NRG1: variants seen among roughly 807,000 people sequenced by gnomAD.
The protein encoded by NRG1 is neuregulin 1.
NRG1 carries 18 observed loss-of-function variants against 63.8 expected under a neutral mutation model. The observed-to-expected ratio is 0.28, with a 90% CI of 0.19 to 0.42. The LOEUF is 0.42. NRG1 is among the 10% of genes least tolerant of loss of function. The probability of loss-of-function intolerance (pLI) is 1.00; values close to 1 mark genes in which losing one functional copy is unlikely to be tolerated. For missense variants in NRG1, 762 were observed against 814.7 expected, an observed-to-expected ratio of 0.94 and a Z score of 0.79; for synonymous variants, 302 against 301.3, an observed-to-expected ratio of 1.00 and a Z score of -0.02.
chr8:31,856,774 T>G (rs1463395937), intron 1 of NRG1, among the ~76,000 whole-genome samples: 1 of 152,134 alleles, frequency 6.6e-6, no homozygotes, highest in Non-Finnish European at 1.5e-5. Flanking sequence ...ATGATGGTGA[T>G]GTACAGATGG....
At chr8:31,839,882 A>G (rs758393015) in intron 1 of NRG1, among the ~76,000 whole-genome samples, 4 of 152,110 alleles carry the variant, frequency 2.6e-5, no homozygotes, top group Non-Finnish European at 4.4e-5. Context: ...TCGCAGGGAC[A>G]GGATTGTGGC....
intron 1 of NRG1, among the ~76,000 whole-genome samples, chr8:31,935,108 G>A (rs970135220): frequency 4.0e-5 from 6 of 149,934 alleles, no homozygotes; most frequent in East Asian, 2.0e-4. Context: ...GTGCCACCAC[G>A]CCCAGCTAAG....
At chr8:31,671,999 A>C (rs924428057) in intron 1 of NRG1, among the ~76,000 whole-genome samples, 8 of 152,196 alleles carry the variant, frequency 5.3e-5, no homozygotes, top group African/African-American at 1.9e-4. Flanking sequence ...GTTGCATACA[A>C]AATGTATTGA....
At chr8:32,182,584 G>A (rs759023816) in intron 1 of NRG1, among the ~76,000 whole-genome samples, 1 of 152,122 alleles carries the variant, frequency 6.6e-6, no homozygotes, top group South Asian at 2.1e-4. Context: ...AAGGAAGTCT[G>A]GTGTGGTCGA....
chr8:32,359,280 A>G (rs1286504240), intron 1 of NRG1, among the ~76,000 whole-genome samples: 1 of 152,202 alleles, frequency 6.6e-6, no homozygotes, highest in Non-Finnish European at 1.5e-5. Context: ...ACCCTTTTAA[A>G]CTGATTAAAG....
intron 1 of NRG1, among the ~76,000 whole-genome samples, chr8:32,204,055 A>G (rs562487025): frequency 3.5e-4 from 54 of 152,350 alleles, no homozygotes; most frequent in African/African-American, 1.3e-3. Context: ...AGATATCTAC[A>G]CCTACATAGA....
intron 1 of NRG1, among the ~76,000 whole-genome samples, chr8:32,269,250 ACT>A (rs1387260558): frequency 1.3e-5 from 2 of 152,114 alleles, no homozygotes; most frequent in African/African-American, 4.8e-5. Flanking sequence ...ATCTAATAAG[ACT>A]CTATTTGGAA....
intron 1 of NRG1, among the ~76,000 whole-genome samples, chr8:32,141,934 T>A (rs1836327544): frequency 6.6e-6 from 1 of 152,118 alleles, no homozygotes; most frequent in Non-Finnish European, 1.5e-5. Flanking sequence ...AAGTTCCCAC[T>A]GCAGGAGTTT....
At chr8:31,867,361 C>T (rs558060390) in intron 1 of NRG1, among the ~76,000 whole-genome samples, 1 of 152,234 alleles carries the variant, frequency 6.6e-6, no homozygotes, top group African/African-American at 2.4e-5. Flanking sequence ...AGGGTTTTGC[C>T]TAACAAGTAA....
chr8:32,621,763 T>C (rs1848379095), intron 5 of NRG1, among the ~76,000 whole-genome samples: 1 of 152,236 alleles, frequency 6.6e-6, no homozygotes, highest in Non-Finnish European at 1.5e-5. Flanking sequence ...TGATGACTCA[T>C]GGTTATCATG....
At chr8:32,213,948 A>G (rs1214989050) in intron 1 of NRG1, among the ~76,000 whole-genome samples, 2 of 152,194 alleles carry the variant, frequency 1.3e-5, no homozygotes, top group Non-Finnish European at 2.9e-5. Context: ...GACAAGACAA[A>G]GGAACGAACT....
chr8:32,546,307 TC>T (rs67563135), upstream of NRG1, among the ~76,000 whole-genome samples: 24,441 of 151,074 alleles, frequency 0.16, 2,114 homozygotes, highest in Middle Eastern at 0.2. Flanking sequence ...ATTTTGAGCT[TC>T]TTTTTTTTAA....
At chr8:31,812,513 G>T (rs1822986330) in intron 1 of NRG1, among the ~76,000 whole-genome samples, 1 of 149,430 alleles carries the variant, frequency 6.7e-6, no homozygotes, top group Non-Finnish European at 1.5e-5. Flanking sequence ...GGTTTTTCCA[G>T]TCTCATTTCA....
chr8:32,008,370 C>G (rs1456136497), intron 1 of NRG1, among the ~76,000 whole-genome samples: 1 of 151,914 alleles, frequency 6.6e-6, no homozygotes, highest in Non-Finnish European at 1.5e-5. Flanking sequence ...TCAGGAGTTT[C>G]AAACAAGTTT....
chr8:32,462,406 A>G (rs377110561), intron 1 of NRG1, among the ~76,000 whole-genome samples: 68 of 152,256 alleles, frequency 4.5e-4, no homozygotes, highest in African/African-American at 1.6e-3. Context: ...AGAACATGAT[A>G]TTTTAATATA....
At chr8:32,716,717 T>C (rs1049851451) in intron 5 of NRG1, among the ~76,000 whole-genome samples, 12 of 152,310 alleles carry the variant, frequency 7.9e-5, no homozygotes, top group Non-Finnish European at 1.6e-4. Context: ...TTCTTCCACA[T>C]GCCCTTTTTT....
chr8:32,619,914 A>G (rs897068668), intron 5 of NRG1, among the ~76,000 whole-genome samples: 12 of 152,146 alleles, frequency 7.9e-5, no homozygotes, highest in African/African-American at 2.9e-4. Context: ...CAGTTTGAAA[A>G]TATAAACCAG....
chr8:31,778,247 CT>C (rs1223872648), intron 1 of NRG1, among the ~76,000 whole-genome samples: 1 of 152,204 alleles, frequency 6.6e-6, no homozygotes, highest in Non-Finnish European at 1.5e-5. Flanking sequence ...AGCCTCTGCA[CT>C]GACCCTACGG....
intron 1 of NRG1, among the ~76,000 whole-genome samples, chr8:32,568,603 G>C (rs981532925): frequency 2.6e-5 from 4 of 152,084 alleles, no homozygotes; most frequent in African/African-American, 9.7e-5. Flanking sequence ...CAAATCCCCT[G>C]GCCTCACCCC....
Sources: gnomAD v4.1 joint callset for allele counts (sites outside exome capture counted in the v4.1 genomes callset) on GRCh38, gnomAD v4.1.1 for gene constraint, MANE v1.5 for transcripts, NCBI Gene and HGNC (gene_info 2026-07-23, HGNC 2026-07-21) for gene names.